GRB14: variants seen among roughly 807,000 people sequenced by gnomAD.
The protein encoded by GRB14 is growth factor receptor bound protein 14.
In GRB14, 38 loss-of-function variants were observed where a neutral mutation model predicts 69.1. The ratio of observed to expected loss-of-function variants is 0.55; its 90% CI spans 0.42 to 0.72. The LOEUF (loss-of-function observed/expected upper bound fraction) is 0.72, where lower values mean the gene tolerates loss of function less well. Among genes scored for constraint, GRB14 ranks in the 30% least tolerant of loss-of-function variants. GRB14 has a pLI of 0.00. For synonymous variants in GRB14, 247 were observed against 241.3 expected, an observed-to-expected ratio of 1.02 and a Z score of -0.22; for missense variants, 666 against 666.1, an observed-to-expected ratio of 1.00 and a Z score of 0.00.
Position 164,547,833 on chromosome 2 carries a change from A to C in GRB14, c.325-17T>G. ...TTTAATCACCTGTGTAGGTAGAAAC[A>C]AGAAAAAGACCTAAAATATTCCTGT... On this transcript the variant is annotated splice_polypyrimidine_tract_variant and intron_variant, in intron 2 of 13. Transcript: ENST00000263915. 1 of 1,569,926 alleles carries C rather than the reference A, an allele frequency of 6.4e-7. No homozygotes were observed. Among genetic ancestry groups the C allele is most frequent in the Non-Finnish European group, 8.7e-7 (1 of 1,153,190 alleles).
rs1686917057 is a variant in GRB14, at chr2:164,496,992, A to C, written c.1382+16T>G. ...TCCAATTCACAAGTACTCAAAATTA[A>C]AAATACCAAACTTACCCATCCACAA... On this transcript the variant is annotated intron_variant, in intron 12 of 13. Coordinates refer to ENST00000263915, the MANE Select transcript of GRB14 (RefSeq NM_004490.3). 8 of 1,604,430 alleles carry C rather than the reference A, an allele frequency of 5.0e-6. No individual in the cohort carries two copies. Among genetic ancestry groups the C allele is most frequent in the Non-Finnish European group, 6.8e-6 (8 of 1,171,428 alleles).
chr2:164,512,790 T>C (rs1476989038), intron 6 of GRB14, among the ~76,000 whole-genome samples: 1 of 152,176 alleles, frequency 6.6e-6, no homozygotes, highest in Non-Finnish European at 1.5e-5. Flanking sequence ...CAGGTATAAC[T>C]ATTTTGCAGC....
At chr2:164,617,943 G>A (rs890665030) in intron 2 of GRB14, among the ~76,000 whole-genome samples, 2 of 112,908 alleles carry the variant, frequency 1.8e-5, no homozygotes, top group African/African-American at 6.7e-5. Flanking sequence ...TCAAGGACAA[G>A]CCAGAATCTT....
At position 164,508,826 on chromosome 2, in the gene GRB14, G is replaced by A. The variant is rs762217333; in HGVS notation, c.843C>T (p.Ser281=). Residue 281 remains serine, a synonymous_variant, in exon 7 of 14, where the codon AGC becomes AGT. Transcript: ENST00000263915. ...SKEPRHLQFF[S]EFGNSDIYVS... is the part of the protein sequence containing the mutation. ...CATAAATATCACTATTGCCAAATTC[G>A]CTGAAAAACTGCAAATGCCGCGGTT... 1.2e-5 allele frequency: 19 copies of A among 1,571,160 alleles called. No individual in the cohort carries two copies. The highest frequency in any genetic ancestry group is 2.0e-5 in the Admixed American group (1 of 49,886).
chr2:164,541,801 C>T (rs947911854), intron 3 of GRB14, among the ~76,000 whole-genome samples: 43 of 151,988 alleles, frequency 2.8e-4, no homozygotes, highest in African/African-American at 9.9e-4. Context: ...CAATCGCACC[C>T]GTCACCCAGA....
At chr2:164,567,024 G>T (rs1574316449) in intron 2 of GRB14, among the ~76,000 whole-genome samples, 1 of 152,066 alleles carries the variant, frequency 6.6e-6, no homozygotes, top group East Asian at 1.9e-4. Flanking sequence ...GGATAAAGAA[G>T]AATTCAAACA....
intron 3 of GRB14, among the ~76,000 whole-genome samples, chr2:164,527,953 G>C (rs1687825683): frequency 6.6e-6 from 1 of 151,976 alleles, no homozygotes; most frequent in African/African-American, 2.4e-5. Context: ...ACTGACATGA[G>C]AATGAACAAG....
At chr2:164,549,935 A>AAATAAAATTT (rs1325847868) in intron 2 of GRB14, among the ~76,000 whole-genome samples, 1 of 131,844 alleles carries the variant, frequency 7.6e-6, no homozygotes, top group African/African-American at 2.7e-5. Flanking sequence ...AAATAAAATA[A>AAATAAAATTT]AATTTCATAT....
chr2:164,520,787 T>A (rs973889667), intron 6 of GRB14, among the ~76,000 whole-genome samples: 6 of 152,062 alleles, frequency 3.9e-5, no homozygotes, highest in Non-Finnish European at 5.9e-5. Flanking sequence ...ATCAAGGGAA[T>A]GCAAATCAAA....
intron 2 of GRB14, among the ~76,000 whole-genome samples, chr2:164,584,076 C>T (rs906205256): frequency 1.3e-5 from 2 of 149,680 alleles, no homozygotes; most frequent in East Asian, 2.0e-4. Flanking sequence ...ACTTCTACCT[C>T]GCAGGTTCAA....
chr2:164,544,811 C>T (rs892773509), intron 3 of GRB14, among the ~76,000 whole-genome samples: 1 of 152,180 alleles, frequency 6.6e-6, no homozygotes, highest in South Asian at 2.1e-4. Context: ...ATCCCCTTCA[C>T]GAGGTTCTGA....
chr2:164,496,923 C>T (rs1686915121), intron 12 of GRB14, 85 bp downstream of exon 12: 9 of 1,050,408 alleles, frequency 8.6e-6, no homozygotes, highest in African/African-American at 3.2e-5. Flanking sequence ...AAATCAAGAA[C>T]TCTTTGTGGC....
chr2:164,523,325 T>C (rs1277508748), intron 5 of GRB14, among the ~76,000 whole-genome samples: 2 of 151,896 alleles, frequency 1.3e-5, no homozygotes. Flanking sequence ...CATGTGTTGG[T>C]CAAGAAAATG....
chr2:164,543,156 C>T (rs1688281524), intron 3 of GRB14, among the ~76,000 whole-genome samples: 3 of 151,876 alleles, frequency 2.0e-5, no homozygotes, highest in Admixed American at 2.0e-4. Flanking sequence ...AAAAAAATAG[C>T]TGGCTGTGGT....
intron 2 of GRB14, among the ~76,000 whole-genome samples, chr2:164,558,291 G>A (rs1020248690): frequency 6.6e-6 from 1 of 152,164 alleles, no homozygotes; most frequent in Non-Finnish European, 1.5e-5. Flanking sequence ...ATTTGACAAA[G>A]AGAAATTCAA....
Position 164,521,974 on chromosome 2 carries a change from A to G in GRB14, c.816+6T>C, listed in dbSNP as rs372715168. On this transcript the variant is annotated splice_donor_region_variant and intron_variant, in intron 6 of 13. Transcript: ENST00000263915. The stretch of plus-strand genomic sequence containing the variant: ...GTCATAACACATCATGGATACTTCA[A>G]TTTACCTTTGATGTTCCTTTAGTAG... 3.2e-5 allele frequency: 51 copies of G among 1,596,038 alleles called. No homozygotes were observed. Among genetic ancestry groups the G allele is most frequent in the Non-Finnish European group, 3.9e-5 (46 of 1,169,492 alleles).
At chr2:164,565,924 A>G (rs1688960241) in intron 2 of GRB14, among the ~76,000 whole-genome samples, 1 of 152,218 alleles carries the variant, frequency 6.6e-6, no homozygotes, top group African/African-American at 2.4e-5. Flanking sequence ...TACCAGAGAC[A>G]CTTACAGCCA....
Position 164,621,238 on chromosome 2 carries a change from G to A in GRB14, c.72C>T (p.Ala24=), listed in dbSNP as rs369583928. 153 of 1,265,824 alleles carry A rather than the reference G, an allele frequency of 1.2e-4. 1 individual carries two copies. The East Asian group carries it at 3.8e-3, about 32-fold the overall frequency. The allele number at this position is 1,265,824 out of a possible 1,614,324, so 78.4% of individuals were successfully genotyped here. The change falls in exon 1 of 14, where the codon GCC becomes GCT. Residue 24 remains alanine (A), a synonymous_variant. Transcript: ENST00000263915. This position sits in a 1 kb window ranked among gnomAD's most constrained non-coding sequence, Gnocchi z 6.0. ...RAAARDSPLA[A]QVCGAAQGRG... Reference sequence around the variant, plus strand: ...TCCCCTGGGCAGCGCCACACACCTGGGCGGCCAGCGGCGAATCCCGGGCAG... The same window carrying A: ...TCCCCTGGGCAGCGCCACACACCTGAGCGGCCAGCGGCGAATCCCGGGCAG...
chr2:164,570,368 T>C (rs576332509), intron 2 of GRB14, among the ~76,000 whole-genome samples: 2 of 151,774 alleles, frequency 1.3e-5, no homozygotes, highest in African/African-American at 4.8e-5. Flanking sequence ...TTTCACTAAA[T>C]TATCAAGCAA....
Sources: allele counts gnomAD v4.1 joint callset (sites outside exome capture counted in the v4.1 genomes callset), GRCh38; gene constraint gnomAD v4.1.1; non-coding constraint Gnocchi (gnomAD v3.1); transcripts MANE v1.5; gene names NCBI Gene and HGNC (gene_info 2026-07-23, HGNC 2026-07-21).